Variants in RAI1 observed in about 807,000 individuals in gnomAD.
RAI1 encodes retinoic acid-induced protein 1.
In RAI1, 9 loss-of-function variants were observed where a neutral mutation model predicts 123.8. That is an observed-to-expected ratio of 0.07 (90% CI 0.04 to 0.13). RAI1 has a LOEUF of 0.13. RAI1 is among the 10% of genes least tolerant of loss of function. RAI1 has a pLI of 1.00. For synonymous variants in RAI1, 1,231 were observed against 1,127.3 expected, an observed-to-expected ratio of 1.09 and a Z score of -1.84; for missense variants, 2,256 against 2,545.8, an observed-to-expected ratio of 0.89 and a Z score of 2.45.
At chr17:17,786,709 A>T (rs934694455) in intron 2 of RAI1, among the ~76,000 whole-genome samples, 1 of 152,222 alleles carries the variant, frequency 6.6e-6, no homozygotes, top group Non-Finnish European at 1.5e-5. Flanking sequence ...TCCCCAGGGA[A>T]GTAAGTCATG....
At chr17:17,723,672 C>T (rs1456347526) in intron 1 of RAI1, among the ~76,000 whole-genome samples, 2 of 148,966 alleles carry the variant, frequency 1.3e-5, no homozygotes, top group Non-Finnish European at 3.0e-5. Flanking sequence ...TCTCGCCCCC[C>T]CGCCCGCCTC....
chr17:17,717,039 T>TGAGGTCA (rs1915733930), intron 1 of RAI1, among the ~76,000 whole-genome samples: 1 of 152,212 alleles, frequency 6.6e-6, no homozygotes. Context: ...GGCCTGTGCC[T>TGAGGTCA]GAGGTCAGAA....
In RAI1 at chr17:17,795,118, G is replaced by A; in HGVS notation, c.2170G>A (p.Ala724Thr). 1.2e-6 allele frequency: 2 copies of A among 1,614,096 alleles called. No individual in the cohort carries two copies. The highest frequency in any genetic ancestry group is 1.7e-6 in the Non-Finnish European group (2 of 1,180,032). ...GGTTCCTGCTCCAGACCCCACTACA[G>A]CAGCTTTTGACTGTTTCCCGGACAC... ...LGVPAPDPTT[A>T]AFDCFPDTTA... is the part of the protein sequence containing the mutation. The change falls in exon 3 of 6, where the codon GCA becomes ACA. Residue 724 changes from alanine to threonine, a missense_variant. This residue lies in a region of RAI1 where 566 missense variants were observed against 616.0 expected (regional missense o/e 0.92). Coordinates refer to ENST00000353383, the MANE Select transcript of RAI1 (RefSeq NM_030665.4). This position sits in a 1 kb window ranked among gnomAD's most constrained non-coding sequence, Gnocchi z 5.9.
intron 2 of RAI1, among the ~76,000 whole-genome samples, chr17:17,731,151 C>T (rs535542788): frequency 2.6e-5 from 4 of 152,300 alleles, no homozygotes; most frequent in South Asian, 2.1e-4. Flanking sequence ...CATAGGGTGT[C>T]GGGACCAGCC....
chr17:17,784,345 C>A (rs1247544034), intron 2 of RAI1, among the ~76,000 whole-genome samples: 1 of 152,218 alleles, frequency 6.6e-6, no homozygotes, highest in Non-Finnish European at 1.5e-5. Context: ...AGGCGGAAGG[C>A]AGCGGCACAT....
Position 17,794,506 on chromosome 17 carries a change from G to A in RAI1, c.1558G>A (p.Gly520Ser), listed in dbSNP as rs147708297. 39 of 1,612,256 alleles carry A rather than the reference G, an allele frequency of 2.4e-5. No individual in the cohort carries two copies. The highest frequency in any genetic ancestry group is 1.6e-4 in the South Asian group (15 of 91,062). Residue 520 changes from glycine (G) to serine (S), a missense_variant, in exon 3 of 6, where the codon GGC (glycine) becomes AGC (serine). Physicochemically the swap from Gly to Ser is moderately conservative, Grantham distance 56 (BLOSUM62 0). Transcript: ENST00000353383. ...AEPQEADYLS[G>S]SEDPLERSFL... ...GCCGCAGGAGGCCGACTACCTGAGC[G>A]GCTCCGAGGACCCACTGGAGCGCAG...
chr17:17,767,861 G>C (rs1400507346), intron 2 of RAI1, among the ~76,000 whole-genome samples: 1 of 152,162 alleles, frequency 6.6e-6, no homozygotes, highest in African/African-American at 2.4e-5. Flanking sequence ...CACAGGGCTG[G>C]CACTGCCACC....
In RAI1 at chr17:17,810,867, A is replaced by G. The variant is rs1280976553; in HGVS notation, c.*886A>G. 6.8e-6 allele frequency: 3 copies of G among 444,340 alleles called. No homozygotes were observed. The highest frequency in any genetic ancestry group is 1.4e-5 in the Non-Finnish European group (3 of 217,866). 27.5% of individuals were successfully genotyped at this position (444,340 alleles called of 1,614,324 possible). Reference sequence around the variant, plus strand: ...CGCCGCGCCTACTCTGCACGGGAGCAGGGACAGCGCTAGATTTCGTGTACA... The same window carrying G: ...CGCCGCGCCTACTCTGCACGGGAGCGGGGACAGCGCTAGATTTCGTGTACA... On this transcript the variant is annotated 3_prime_UTR_variant, in exon 6 of 6. Transcript: ENST00000353383. The surrounding 1 kb of genome is among the most constrained non-coding windows in gnomAD (Gnocchi z 4.6).
intron 1 of RAI1, among the ~76,000 whole-genome samples, chr17:17,704,662 T>C (rs1017236069): frequency 1.3e-5 from 2 of 152,176 alleles, no homozygotes; most frequent in Non-Finnish European, 2.9e-5. Context: ...CATCAGGACG[T>C]TACCATGAGT....
At chr17:17,724,406 CT>C (rs771760855) in intron 2 of RAI1, among the ~76,000 whole-genome samples, 1,872 of 103,722 alleles carry the variant, frequency 0.018, 35 homozygotes, top group African/African-American at 0.064. Context: ...TCTTTCTTTC[CT>C]TTTTTTTTTT....
At chr17:17,690,507 AG>A (rs149628314) in intron 1 of RAI1, among the ~76,000 whole-genome samples, 3,862 of 152,240 alleles carry the variant, frequency 0.025, 71 homozygotes, top group Non-Finnish European at 0.042. Context: ...GTCTTTAGGC[AG>A]GTTCCTCAAG....
intron 2 of RAI1, among the ~76,000 whole-genome samples, chr17:17,785,841 C>G (rs977958720): frequency 6.6e-6 from 1 of 152,298 alleles, no homozygotes; most frequent in African/African-American, 2.4e-5. Context: ...TGGGTGCCAT[C>G]GAGCCCATGC....
rs56047340 is a variant in RAI1, at chr17:17,761,250, C to CT, written c.-16-31668dup. Among the ~76,000 whole-genome samples the CT allele has an allele frequency of 2.8e-3, 412 of 146,008 alleles. 1 individual carries two copies. The highest frequency in any genetic ancestry group is 8.4e-3 in the South Asian group (38 of 4,526). On this transcript the variant is annotated intron_variant, in intron 2 of 5. Coordinates refer to ENST00000353383, the MANE Select transcript of RAI1 (RefSeq NM_030665.4). Reference sequence around the variant, plus strand: ...GCAAATGAAAATGGTTCTTCTAAGGCTTTTTTTTTTTTTTTAACTAGTGCC... The same window carrying CT: ...GCAAATGAAAATGGTTCTTCTAAGGCTTTTTTTTTTTTTTTTAACTAGTGCC...
intron 2 of RAI1, among the ~76,000 whole-genome samples, chr17:17,752,568 G>A (rs970098348): frequency 1.3e-5 from 2 of 152,168 alleles, no homozygotes; most frequent in African/African-American, 4.8e-5. Flanking sequence ...CTTCCTGTCC[G>A]TAGTTTTTCT....
At chr17:17,700,336 AGGCGGGACTGCCTT>A (rs981615768) in intron 1 of RAI1, among the ~76,000 whole-genome samples, 20 of 151,738 alleles carry the variant, frequency 1.3e-4, no homozygotes, top group African/African-American at 4.8e-4. Context: ...GCCCGGCCCC[AGGCGGGACTGCCTT>A]GGCAGGACTC....
chr17:17,810,063 C>T lies in RAI1; in HGVS notation c.*82C>T. On this transcript the variant is annotated 3_prime_UTR_variant, in exon 6 of 6. Transcript: ENST00000353383. This position sits in a 1 kb window ranked among gnomAD's most constrained non-coding sequence, Gnocchi z 4.6. ...AAGGAGAGGAGCCGCCTGCGCAGCC[C>T]CCGGGCCTTTGAGCTGCTCCCAGCG... 2 of 1,526,226 alleles carry T rather than the reference C, an allele frequency of 1.3e-6. No individual in the cohort carries two copies. The highest frequency in any genetic ancestry group is 1.2e-5 in the South Asian group (1 of 82,744). The allele number at this position is 1,526,226 out of a possible 1,614,324, so 94.5% of individuals were successfully genotyped here. A position where few individuals can be genotyped will look rare whatever the true frequency, so the allele number is the denominator to read the frequency against.
At chr17:17,784,160 G>C (rs2031734037) in intron 2 of RAI1, among the ~76,000 whole-genome samples, 1 of 152,196 alleles carries the variant, frequency 6.6e-6, no homozygotes, top group Non-Finnish European at 1.5e-5. Context: ...GGCCTGACAG[G>C]CGGCTTCCTC....
intron 2 of RAI1, among the ~76,000 whole-genome samples, chr17:17,769,495 G>A (rs1462747828): frequency 6.6e-6 from 1 of 152,252 alleles, no homozygotes; most frequent in East Asian, 1.9e-4. Context: ...GTAGTAGGGA[G>A]CCACTGATGG....
intron 4 of RAI1, among the ~76,000 whole-genome samples, chr17:17,806,862 G>A (rs1324307149): frequency 6.6e-6 from 1 of 152,176 alleles, no homozygotes; most frequent in African/African-American, 2.4e-5. Context: ...GCCACCTGGG[G>A]TGAGCTGCAG....
Sources: allele counts gnomAD v4.1 joint callset (sites outside exome capture counted in the v4.1 genomes callset), GRCh38; gene constraint gnomAD v4.1.1; regional missense constraint gnomAD v4.1.1; non-coding constraint Gnocchi (gnomAD v3.1); transcripts MANE v1.5; gene names NCBI Gene and HGNC (gene_info 2026-07-23, HGNC 2026-07-21).